The following GRM5 variants were observed in gnomAD, a reference collection of about 807,000 sequenced individuals.
GRM5 encodes metabotropic glutamate receptor 5.
A neutral mutation model predicts 83.1 loss-of-function variants in GRM5; 19 were observed. The ratio of observed to expected loss-of-function variants is 0.23; its 90% CI spans 0.16 to 0.34. The LOEUF (loss-of-function observed/expected upper bound fraction) is 0.34. Ranked by LOEUF, GRM5 falls within the 10% of genes least tolerant of loss-of-function variation. The pLI is 1.00. For synonymous variants in GRM5, 675 were observed against 633.6 expected (o/e 1.07, Z -0.98); for missense variants, 1,160 against 1,588.3 (o/e 0.73, Z 4.58).
At chr11:88,711,344 C>T (rs1225327374) in intron 3 of GRM5, among the ~76,000 whole-genome samples, 1 of 152,122 alleles carries the variant, frequency 6.6e-6, no homozygotes, top group Non-Finnish European at 1.5e-5. Flanking sequence ...AAAGAGCCTA[C>T]TGATGCCATG....
At chr11:88,802,577 C>G (rs967452583) in intron 3 of GRM5, among the ~76,000 whole-genome samples, 1 of 152,126 alleles carries the variant, frequency 6.6e-6, no homozygotes, top group South Asian at 2.1e-4. Context: ...CAGCCAATAT[C>G]ATACTGAATG....
intron 4 of GRM5, among the ~76,000 whole-genome samples, chr11:88,618,114 T>A (rs2094984120): frequency 6.6e-6 from 1 of 152,208 alleles, no homozygotes; most frequent in Admixed American, 6.5e-5. Flanking sequence ...TTGATAGCAC[T>A]GCAAAGGCTT....
At chr11:89,005,278 A>G (rs938789611) in intron 2 of GRM5, among the ~76,000 whole-genome samples, 9 of 152,208 alleles carry the variant, frequency 5.9e-5, no homozygotes, top group African/African-American at 2.2e-4. Context: ...GAAGTTGACA[A>G]ATTTATTACA....
chr11:88,776,742 T>C (rs1195193328), intron 3 of GRM5, among the ~76,000 whole-genome samples: 1 of 152,216 alleles, frequency 6.6e-6, no homozygotes, highest in African/African-American at 2.4e-5. Flanking sequence ...AAAATTCTTT[T>C]CTTTAAGAAT....
rs149201569 is a variant in GRM5 at position 88,746,266 on chromosome 11, T to G, written c.912-92863A>C. 7.4e-3 allele frequency among the ~76,000 whole-genome samples: 1,125 copies of G among 152,270 alleles called. 6 individuals are homozygous for G. The highest frequency in any genetic ancestry group is 0.02 in the Middle Eastern group (6 of 294). On this transcript the variant is annotated intron_variant, in intron 3 of 9. Transcript: ENST00000305447. ...TGGCTTGGTTAATAATACATTTTTTTTGTGTGTTTCCTCTGAAATATATAT... is the reference window on the plus strand; with the variant it reads ...TGGCTTGGTTAATAATACATTTTTTGTGTGTGTTTCCTCTGAAATATATAT...
intron 2 of GRM5, among the ~76,000 whole-genome samples, chr11:89,034,486 G>A (rs1941336950): frequency 4.0e-5 from 6 of 151,814 alleles, no homozygotes; most frequent in Admixed American, 3.9e-4. Context: ...TTTCTATGAG[G>A]GGAAATGTTC....
rs543778599 is a variant in GRM5 at position 88,860,192 on chromosome 11, A to G, written c.662-10037T>C. 3.4e-4 allele frequency among the ~76,000 whole-genome samples: 51 copies of G among 152,220 alleles called. No homozygotes were observed. The South Asian group carries it at 0.01, about 31-fold the overall frequency. ...AAAAATCACTTTTTTAATCTTCTTA[A>G]AAATATTGGAGTCTTCCTCATTTTT... On this transcript the variant is annotated intron_variant, in intron 2 of 9. Transcript: ENST00000305447.
chr11:88,579,157 C>A (rs539291684), intron 7 of GRM5, among the ~76,000 whole-genome samples: 14 of 152,052 alleles, frequency 9.2e-5, no homozygotes, highest in African/African-American at 3.1e-4. Context: ...GGATTCCAAC[C>A]TTTTTGAGCT....
intron 2 of GRM5, among the ~76,000 whole-genome samples, chr11:89,025,736 G>A (rs1941114669): frequency 6.6e-6 from 1 of 152,126 alleles, no homozygotes; most frequent in South Asian, 2.1e-4. Context: ...TGCTGGTAGG[G>A]ATATAAATTT....
intron 2 of GRM5, among the ~76,000 whole-genome samples, chr11:88,957,682 TCAGA>T (rs1938664614): frequency 6.6e-6 from 1 of 152,144 alleles, no homozygotes; most frequent in Admixed American, 6.5e-5. Context: ...CAGGATCATA[TCAGA>T]AAGAATGAAG....
intron 3 of GRM5, among the ~76,000 whole-genome samples, chr11:88,748,464 G>A (rs1942190137): frequency 6.6e-6 from 1 of 152,264 alleles, no homozygotes; most frequent in Non-Finnish European, 1.5e-5. Flanking sequence ...GTTCCCAGGG[G>A]GAGGGGTAGC....
At chr11:88,764,578 GAAAT>G (rs1942591360) in intron 3 of GRM5, among the ~76,000 whole-genome samples, 2 of 119,452 alleles carry the variant, frequency 1.7e-5, no homozygotes, top group Non-Finnish European at 2.2e-5. Flanking sequence ...AAAATTGTGG[GAAAT>G]AAATAACCAT....
At chr11:88,563,660 A>G (rs1343801692) in intron 8 of GRM5, among the ~76,000 whole-genome samples, 1 of 152,196 alleles carries the variant, frequency 6.6e-6, no homozygotes, top group African/African-American at 2.4e-5. Flanking sequence ...CCCACATGAC[A>G]TCCCAAGAGA....
At chr11:88,846,019 T>A (rs983002373) in intron 3 of GRM5, among the ~76,000 whole-genome samples, 18 of 152,214 alleles carry the variant, frequency 1.2e-4, no homozygotes, top group African/African-American at 4.1e-4. Context: ...TTGAAAAATA[T>A]TGATGTAGAT....
chr11:88,670,909 A>T (rs1940176201), intron 3 of GRM5, among the ~76,000 whole-genome samples: 1 of 152,050 alleles, frequency 6.6e-6, no homozygotes, highest in African/African-American at 2.4e-5. Context: ...CTACAACTGA[A>T]TATAAGCATA....
At chr11:88,831,896 A>G (rs1050481166) in intron 3 of GRM5, among the ~76,000 whole-genome samples, 5 of 152,184 alleles carry the variant, frequency 3.3e-5, no homozygotes, top group Non-Finnish European at 5.9e-5. Flanking sequence ...CTGGAGGCCA[A>G]AGAATCAGCT....
At chr11:88,659,620 T>C (rs1939852868) in intron 3 of GRM5, among the ~76,000 whole-genome samples, 1 of 152,176 alleles carries the variant, frequency 6.6e-6, no homozygotes, top group South Asian at 2.1e-4. Flanking sequence ...ATTAAATTTA[T>C]GAAATATAAA....
rs559453958 is a variant in GRM5, at chr11:88,847,630, G to T, written c.911+2276C>A. 2.6e-5 allele frequency among the ~76,000 whole-genome samples: 4 copies of T among 152,220 alleles called. No individual in the cohort carries two copies. The East Asian group carries it at 7.7e-4, about 29-fold the overall frequency. On this transcript the variant is annotated intron_variant, in intron 3 of 9. Transcript: ENST00000305447. ...TGGGCCAAGAGGCAGAAACTGCAGG[G>T]AGACAGTTTTAAAATTTGGAGTAAG... is the stretch of plus-strand genomic sequence containing the variant.
chr11:88,976,440 C>A (rs1054515204), intron 2 of GRM5, among the ~76,000 whole-genome samples: 4 of 151,640 alleles, frequency 2.6e-5, no homozygotes, highest in African/African-American at 9.7e-5. Flanking sequence ...TGAATCTTAT[C>A]TTCCAAAGGT....
Sources: gnomAD v4.1 joint callset for allele counts (sites outside exome capture counted in the v4.1 genomes callset) on GRCh38, gnomAD v4.1.1 for gene constraint, MANE v1.5 for transcripts, NCBI Gene and HGNC (gene_info 2026-07-23, HGNC 2026-07-21) for gene names.